Variants in LRRIQ3 observed in about 807,000 individuals in gnomAD.
LRRIQ3 encodes the protein leucine rich repeats and IQ motif containing 3.
LRRIQ3 carries 75 observed loss-of-function variants against 59.3 expected under a neutral mutation model. The ratio of observed to expected loss-of-function variants is 1.26; its 90% confidence interval spans 1.05 to 1.53. The LOEUF (loss-of-function observed/expected upper bound fraction) is 1.53. LRRIQ3 is among the 40% of genes most tolerant of loss of function. The probability of loss-of-function intolerance (pLI) is 0.00; values close to 1 mark genes in which losing one functional copy is unlikely to be tolerated. For synonymous variants in LRRIQ3, 250 were observed against 231.3 expected (o/e 1.08, Z -0.73); for missense variants, 831 against 710.0 (o/e 1.17, Z -1.94).
rs552109542 is a variant in LRRIQ3 at position 74,121,998 on chromosome 1, C to G, written c.708-12445G>C. 2.8e-3 allele frequency among the ~76,000 whole-genome samples: 419 copies of G among 152,038 alleles called. 1 individual carries two copies. The highest frequency in any genetic ancestry group is 9.5e-3 in the African/African-American group (393 of 41,468). ...CAGTCTATCATTGTTGGACATTTGA[C>G]TTGGTTCCAAGTCTTTGCTATTGTG... On this transcript the variant is annotated intron_variant, in intron 4 of 7. Coordinates refer to ENST00000354431, the MANE Select transcript of LRRIQ3 (RefSeq NM_001105659.2).
chr1:74,146,242 G>A (rs903568478), intron 4 of LRRIQ3, among the ~76,000 whole-genome samples: 1 of 151,988 alleles, frequency 6.6e-6, no homozygotes, highest in Admixed American at 6.6e-5. Context: ...ATGCATGACT[G>A]TATTTCAGCA....
At chr1:74,122,442 A>C (rs1646873628) in intron 4 of LRRIQ3, among the ~76,000 whole-genome samples, 1 of 151,858 alleles carries the variant, frequency 6.6e-6, no homozygotes, top group Non-Finnish European at 1.5e-5. Context: ...TTTTCTTATA[A>C]ATTTGTTGGA....
intron 3 of LRRIQ3, among the ~76,000 whole-genome samples, chr1:74,164,499 T>C (rs113885104): frequency 6.6e-5 from 10 of 151,572 alleles, no homozygotes; most frequent in African/African-American, 2.4e-4. Flanking sequence ...GCCTCCAGAA[T>C]TGTAAATAAA....
chr1:74,029,465 T>C (rs1191368411), intron 7 of LRRIQ3, among the ~76,000 whole-genome samples: 3 of 152,116 alleles, frequency 2.0e-5, no homozygotes, highest in African/African-American at 4.8e-5. Context: ...TCATGTGGTT[T>C]TTGTCTTTGG....
At chr1:74,035,123 C>T (rs930891338) in intron 7 of LRRIQ3, among the ~76,000 whole-genome samples, 3 of 152,020 alleles carry the variant, frequency 2.0e-5, no homozygotes, top group Non-Finnish European at 4.4e-5. Flanking sequence ...TTAAGAAAAA[C>T]TGTGAGCAAT....
chr1:74,067,618 A>G (rs1654903007), intron 6 of LRRIQ3, among the ~76,000 whole-genome samples: 1 of 152,142 alleles, frequency 6.6e-6, no homozygotes, highest in African/African-American at 2.4e-5. Flanking sequence ...GGTTGATCAC[A>G]GTAAAAATTC....
chr1:74,155,191 CAT>C (rs1251144053), intron 4 of LRRIQ3, among the ~76,000 whole-genome samples: 3 of 152,148 alleles, frequency 2.0e-5, no homozygotes, highest in Non-Finnish European at 4.4e-5. Flanking sequence ...TTTAGTTTTT[CAT>C]ATGTTTGACA....
intron 5 of LRRIQ3, among the ~76,000 whole-genome samples, chr1:74,080,886 T>C (rs1477511471): frequency 1.3e-5 from 2 of 151,486 alleles, no homozygotes; most frequent in Non-Finnish European, 3.0e-5. Context: ...TCAAAGTGGG[T>C]AAACTATAGA....
intron 4 of LRRIQ3, among the ~76,000 whole-genome samples, chr1:74,118,808 C>T (rs1199327854): frequency 6.6e-6 from 1 of 152,106 alleles, no homozygotes; most frequent in Non-Finnish European, 1.5e-5. Flanking sequence ...GTTGATGTTG[C>T]AATCTCAATT....
At chr1:74,063,642 C>T (rs2100450801) in intron 6 of LRRIQ3, among the ~76,000 whole-genome samples, 1 of 151,814 alleles carries the variant, frequency 6.6e-6, no homozygotes, top group African/African-American at 2.4e-5. Context: ...TGTGACATGC[C>T]TCTCTTTATT....
chr1:74,120,504 T>A (rs1450843688), intron 4 of LRRIQ3, among the ~76,000 whole-genome samples: 1 of 152,104 alleles, frequency 6.6e-6, no homozygotes, highest in Non-Finnish European at 1.5e-5. Flanking sequence ...TTTGTTAGTA[T>A]GAAGAAAAAC....
intron 4 of LRRIQ3, among the ~76,000 whole-genome samples, chr1:74,110,673 A>G (rs1646682733): frequency 1.3e-5 from 2 of 152,106 alleles, no homozygotes; most frequent in African/African-American, 2.4e-5. Context: ...AAAACTAGGA[A>G]TAACTGAGGA....
chr1:74,173,253 C>T (rs1462498516), intron 3 of LRRIQ3, among the ~76,000 whole-genome samples: 8 of 147,540 alleles, frequency 5.4e-5, no homozygotes, highest in East Asian at 2.0e-4. Flanking sequence ...GCCGAGATCA[C>T]GCCACTGCAC....
intron 5 of LRRIQ3, among the ~76,000 whole-genome samples, chr1:74,100,244 G>A (rs1390389720): frequency 6.6e-6 from 1 of 152,116 alleles, no homozygotes; most frequent in African/African-American, 2.4e-5. Flanking sequence ...AAAATCACAA[G>A]CATTCCTATG....
chr1:74,150,841 TTA>T (rs1324915625), intron 4 of LRRIQ3, among the ~76,000 whole-genome samples: 1 of 152,104 alleles, frequency 6.6e-6, no homozygotes, highest in African/African-American at 2.4e-5. Flanking sequence ...CTTCTGATAC[TTA>T]TATATCCAAG....
intron 4 of LRRIQ3, among the ~76,000 whole-genome samples, chr1:74,143,476 T>C (rs528724109): frequency 6.6e-6 from 1 of 152,128 alleles, no homozygotes; most frequent in South Asian, 2.1e-4. Flanking sequence ...CTAGACAATA[T>C]TTTAAATCAT....
At chr1:74,096,273 A>G (rs1328773602) in intron 5 of LRRIQ3, among the ~76,000 whole-genome samples, 1 of 152,154 alleles carries the variant, frequency 6.6e-6, no homozygotes, top group African/African-American at 2.4e-5. Flanking sequence ...ATCAAAAAGG[A>G]AAATACTGTT....
Position 74,174,222 on chromosome 1 carries a change from C to A in LRRIQ3, c.573+8316G>T, listed in dbSNP as rs370780149. Reference sequence around the variant, plus strand: ...TTTCTTCACACTTTTTTTTTCTTTTCTTTTCGTCTCTCTGACTGGACACTT... The same window carrying A: ...TTTCTTCACACTTTTTTTTTCTTTTATTTTCGTCTCTCTGACTGGACACTT... On this transcript the variant is annotated intron_variant, in intron 3 of 7. Coordinates refer to ENST00000354431, the MANE Select transcript of LRRIQ3 (RefSeq NM_001105659.2). Among the ~76,000 whole-genome samples the A allele has an allele frequency of 6.6e-5, 10 of 150,716 alleles. No individual in the cohort carries two copies. The East Asian group carries it at 1.8e-3, about 26-fold the overall frequency.
intron 3 of LRRIQ3, among the ~76,000 whole-genome samples, chr1:74,162,896 T>C (rs1289778667): frequency 6.6e-6 from 1 of 151,598 alleles, no homozygotes; most frequent in Non-Finnish European, 1.5e-5. Context: ...GAAAATTACA[T>C]GTACATAGGA....
Sources: allele counts gnomAD v4.1 joint callset (sites outside exome capture counted in the v4.1 genomes callset), GRCh38; gene constraint gnomAD v4.1.1; transcripts MANE v1.5; gene names NCBI Gene and HGNC (gene_info 2026-07-23, HGNC 2026-07-21).